ULK4: variants seen among roughly 807,000 people sequenced by gnomAD.
ULK4 encodes inactive serine/threonine-protein kinase ULK4.
A neutral mutation model predicts 160.6 loss-of-function variants in ULK4; 133 were observed. The observed-to-expected ratio is 0.83, with a 90% CI of 0.72 to 0.96. The LOEUF (loss-of-function observed/expected upper bound fraction) is 0.96, where lower values mean the gene tolerates loss of function less well. Among genes scored for constraint, ULK4 ranks in the 40% least tolerant of loss-of-function variants. ULK4 has a pLI of 0.00. For synonymous variants in ULK4, 534 were observed against 539.8 expected (o/e 0.99, Z 0.15); for missense variants, 1,580 against 1,499.5 (o/e 1.05, Z -0.89).
intron 31 of ULK4, among the ~76,000 whole-genome samples, chr3:41,585,856 T>C (rs2030756475): frequency 6.6e-6 from 1 of 152,140 alleles, no homozygotes; most frequent in Middle Eastern, 3.2e-3. Context: ...AGGACTTGAA[T>C]AGACAATTCT....
chr3:41,633,631 G>C (rs2033836224), intron 30 of ULK4, among the ~76,000 whole-genome samples: 1 of 151,988 alleles, frequency 6.6e-6, no homozygotes, highest in South Asian at 2.1e-4. Context: ...AGAATAAACT[G>C]AAAATGAAAA....
At chr3:41,747,127 C>G (rs979659694) in intron 22 of ULK4, among the ~76,000 whole-genome samples, 3 of 151,850 alleles carry the variant, frequency 2.0e-5, no homozygotes, top group African/African-American at 7.3e-5. Context: ...CAAAAATACA[C>G]ACCATTAAAG....
chr3:41,276,156 GT>G (rs2079225399), intron 35 of ULK4, among the ~76,000 whole-genome samples: 1 of 152,244 alleles, frequency 6.6e-6, no homozygotes, highest in African/African-American at 2.4e-5. Context: ...AACTGTGAGA[GT>G]TTCAATGCAC....
intron 19 of ULK4, among the ~76,000 whole-genome samples, chr3:41,813,284 C>G (rs2040869498): frequency 6.6e-6 from 1 of 151,932 alleles, no homozygotes; most frequent in Non-Finnish European, 1.5e-5. Flanking sequence ...GCACACATAC[C>G]CTAGAACTTA....
chr3:41,825,140 C>T (rs1207519295), intron 18 of ULK4, among the ~76,000 whole-genome samples: 1 of 152,144 alleles, frequency 6.6e-6, no homozygotes, highest in Non-Finnish European at 1.5e-5. Flanking sequence ...ACAGAAGGGA[C>T]ATCCACACCA....
At chr3:41,951,844 C>T (rs1393434662) in intron 2 of ULK4, among the ~76,000 whole-genome samples, 1 of 152,122 alleles carries the variant, frequency 6.6e-6, no homozygotes, top group Admixed American at 6.5e-5. Context: ...CCTCTTCTGC[C>T]ATGTGGGAAC....
rs535519174 is a variant in ULK4, at chr3:41,619,317, T to C, written c.3072-3600A>G. 2.0e-5 allele frequency among the ~76,000 whole-genome samples: 3 copies of C among 152,256 alleles called. No homozygotes were observed. The South Asian group carries it at 6.2e-4, about 32-fold the overall frequency. On this transcript the variant is annotated intron_variant, in intron 30 of 36. Transcript: ENST00000301831. ...AACTCTCCACCACAAATCAACAGAC[T>C]ATACATTCTTCTCAGTGCCACATAG... is the stretch of plus-strand genomic sequence containing the variant.
rs376431686 is a variant in ULK4, at chr3:41,757,680, C to A, written c.2194-3192G>T. On this transcript the variant is annotated intron_variant, in intron 21 of 36. Transcript: ENST00000301831. Reference sequence around the variant, plus strand: ...TAAGAGTCTCACTCTGTCGCCCAGGCTGGAGTGCAGTGGTGCAATCTCGGC... The same window carrying A: ...TAAGAGTCTCACTCTGTCGCCCAGGATGGAGTGCAGTGGTGCAATCTCGGC... 1.9e-4 allele frequency among the ~76,000 whole-genome samples: 28 copies of A among 149,942 alleles called. No individual in the cohort carries two copies. The East Asian group carries it at 4.4e-3, about 24-fold the overall frequency.
At chr3:41,506,771 T>TATAA (rs1559658106) in intron 32 of ULK4, among the ~76,000 whole-genome samples, 6 of 26,338 alleles carry the variant, frequency 2.3e-4, no homozygotes, top group African/African-American at 8.1e-4. Context: ...ATTTAAAATA[T>TATAA]ATATATATAT....
chr3:41,788,211 T>C (rs2040050903), intron 21 of ULK4, among the ~76,000 whole-genome samples: 1 of 152,226 alleles, frequency 6.6e-6, no homozygotes, highest in Admixed American at 6.5e-5. Context: ...AAGTTTACTA[T>C]GCAAATCTGA....
chr3:41,518,795 A>T (rs1248137523), intron 32 of ULK4, among the ~76,000 whole-genome samples: 1 of 152,164 alleles, frequency 6.6e-6, no homozygotes. Context: ...TTGATTCCAC[A>T]TTTCCATCTT....
intron 17 of ULK4, among the ~76,000 whole-genome samples, chr3:41,869,685 C>T (rs568900339): frequency 1.3e-5 from 2 of 152,144 alleles, no homozygotes; most frequent in African/African-American, 4.8e-5. Context: ...TTCCTCCAAC[C>T]CTTTGTACAA....
chr3:41,691,943 C>CT (rs751734628), intron 27 of ULK4, among the ~76,000 whole-genome samples: 3,359 of 96,278 alleles, frequency 0.035, 697 homozygotes, highest in African/African-American at 0.065. Context: ...CAAATCACTT[C>CT]TTTTTTTTTT....
At chr3:41,506,311 T>C (rs576437788) in intron 32 of ULK4, among the ~76,000 whole-genome samples, 1 of 152,304 alleles carries the variant, frequency 6.6e-6, no homozygotes, top group South Asian at 2.1e-4. Context: ...TGTATCTATC[T>C]TTCAATCCAT....
intron 21 of ULK4, among the ~76,000 whole-genome samples, chr3:41,770,092 T>C (rs534077038): frequency 6.6e-6 from 1 of 152,352 alleles, no homozygotes; most frequent in Admixed American, 6.5e-5. Flanking sequence ...AGAACACACA[T>C]TTATTAATAC....
At chr3:41,293,091 C>T (rs541592441) in intron 35 of ULK4, among the ~76,000 whole-genome samples, 3 of 152,166 alleles carry the variant, frequency 2.0e-5, no homozygotes, top group East Asian at 1.9e-4. Context: ...CACTGCACTC[C>T]AGACAGAGAG....
intron 21 of ULK4, among the ~76,000 whole-genome samples, chr3:41,780,885 C>G (rs1205476125): frequency 6.6e-6 from 1 of 151,974 alleles, no homozygotes; most frequent in Non-Finnish European, 1.5e-5. Flanking sequence ...CCCAGAGACA[C>G]AGAGTTCCAA....
At chr3:41,301,640 A>T (rs2079801331) in intron 35 of ULK4, among the ~76,000 whole-genome samples, 1 of 152,222 alleles carries the variant, frequency 6.6e-6, no homozygotes. Flanking sequence ...CATTTACTTT[A>T]ATGCATTTTA....
At chr3:41,372,391 G>C (rs1056184474) in intron 35 of ULK4, among the ~76,000 whole-genome samples, 11 of 152,190 alleles carry the variant, frequency 7.2e-5, no homozygotes, top group African/African-American at 2.7e-4. Flanking sequence ...AGGGGAGCCA[G>C]AGAGAAAGGT....
Sources: allele counts gnomAD v4.1 joint callset (sites outside exome capture counted in the v4.1 genomes callset), GRCh38; gene constraint gnomAD v4.1.1; transcripts MANE v1.5; gene names NCBI Gene and HGNC (gene_info 2026-07-23, HGNC 2026-07-21).